ADGRB3: variants seen among roughly 807,000 people sequenced by gnomAD.
ADGRB3 encodes adhesion G protein-coupled receptor B3.
In ADGRB3, 37 loss-of-function variants were observed where a neutral mutation model predicts 193.4. The observed-to-expected ratio is 0.19, with a 90% CI of 0.15 to 0.25. The LOEUF (loss-of-function observed/expected upper bound fraction) is 0.25, where lower values mean the gene tolerates loss of function less well. ADGRB3 is among the 10% of genes least tolerant of loss of function. The pLI, the probability that ADGRB3 is intolerant of heterozygous loss-of-function variation, is 1.00. For synonymous variants in ADGRB3, 690 were observed against 644.2 expected (o/e 1.07, Z -1.08); for missense variants, 1,637 against 1,852.9 (o/e 0.88, Z 2.14).
chr6:68,823,363 G>A (rs568823901), intron 3 of ADGRB3, among the ~76,000 whole-genome samples: 2 of 151,854 alleles, frequency 1.3e-5, no homozygotes, highest in Non-Finnish European at 2.9e-5. Flanking sequence ...CCCATCATAT[G>A]TTTTGGGAAC....
intron 17 of ADGRB3, among the ~76,000 whole-genome samples, chr6:69,148,187 T>C (rs1774560232): frequency 6.6e-6 from 1 of 152,164 alleles, no homozygotes; most frequent in Admixed American, 6.5e-5. Context: ...TTTCTGGTTG[T>C]TTTGTGGTCC....
intron 17 of ADGRB3, among the ~76,000 whole-genome samples, chr6:69,208,519 T>G (rs1296070028): frequency 1.3e-5 from 2 of 152,186 alleles, no homozygotes; most frequent in Non-Finnish European, 2.9e-5. Context: ...ACTGGGAAGA[T>G]TTCCCGTCAC....
intron 17 of ADGRB3, among the ~76,000 whole-genome samples, chr6:69,191,150 G>T (rs1244402670): frequency 6.6e-6 from 1 of 152,062 alleles, no homozygotes; most frequent in East Asian, 1.9e-4. Context: ...CAAATATTAT[G>T]ATTCTCATTT....
chr6:68,713,069 T>C (rs1380293928), intron 3 of ADGRB3, among the ~76,000 whole-genome samples: 1 of 151,908 alleles, frequency 6.6e-6, no homozygotes, highest in Non-Finnish European at 1.5e-5. Context: ...AAGGTTATAC[T>C]TTGAATCAGC....
intron 3 of ADGRB3, among the ~76,000 whole-genome samples, chr6:68,828,460 C>G (rs561733554): frequency 6.6e-6 from 1 of 152,156 alleles, no homozygotes; most frequent in Admixed American, 6.5e-5. Flanking sequence ...AGCACTACCT[C>G]AAATATTTAT....
At chr6:69,069,084 C>A (rs777013556) in intron 16 of ADGRB3, among the ~76,000 whole-genome samples, 5 of 152,138 alleles carry the variant, frequency 3.3e-5, no homozygotes, top group African/African-American at 4.8e-5. Flanking sequence ...AGGTACACAG[C>A]AGCTGTCCCT....
chr6:69,021,908 G>T (rs914620965), intron 13 of ADGRB3, among the ~76,000 whole-genome samples: 8 of 151,806 alleles, frequency 5.3e-5, no homozygotes, highest in African/African-American at 1.4e-4. Flanking sequence ...TTTATAGGGA[G>T]CATGTTCATA....
chr6:69,242,412 C>G (rs1347073784), intron 20 of ADGRB3, among the ~76,000 whole-genome samples: 2 of 151,742 alleles, frequency 1.3e-5, no homozygotes, highest in African/African-American at 4.8e-5. Context: ...TCCGAGAGAG[C>G]TTTTTGATGA....
At chr6:68,638,290 T>G (rs1222822971) in intron 2 of ADGRB3, among the ~76,000 whole-genome samples, 1 of 152,256 alleles carries the variant, frequency 6.6e-6, no homozygotes, top group East Asian at 1.9e-4. Flanking sequence ...TGATTAATAC[T>G]ATTTCGACAA....
At chr6:68,684,886 G>GGGGTA (rs1426864981) in intron 3 of ADGRB3, among the ~76,000 whole-genome samples, 1 of 151,932 alleles carries the variant, frequency 6.6e-6, no homozygotes, top group Non-Finnish European at 1.5e-5. Context: ...ATAAGAGCAT[G>GGGGTA]GGGTAACATG....
chr6:69,209,142 G>A (rs940322120), intron 17 of ADGRB3, among the ~76,000 whole-genome samples: 1 of 152,174 alleles, frequency 6.6e-6, no homozygotes, highest in Non-Finnish European at 1.5e-5. Flanking sequence ...GGACCAAGTG[G>A]CAGAGGAGTT....
intron 17 of ADGRB3, among the ~76,000 whole-genome samples, chr6:69,160,568 C>T (rs1160456029): frequency 6.6e-6 from 1 of 152,080 alleles, no homozygotes; most frequent in Non-Finnish European, 1.5e-5. Context: ...ATTGTTAATG[C>T]TATCATATCA....
At chr6:68,699,917 C>G (rs758501249) in intron 3 of ADGRB3, among the ~76,000 whole-genome samples, 6 of 152,098 alleles carry the variant, frequency 3.9e-5, no homozygotes, top group Non-Finnish European at 8.8e-5. Context: ...TCTCAGGTAC[C>G]TCCTATTTTC....
intron 23 of ADGRB3, chr6:69,331,441 A>G: frequency 1.9e-6 from 1 of 534,266 alleles, no homozygotes; most frequent in Non-Finnish European, 2.4e-6. Context: ...CTAATTGGAA[A>G]GTTACTCTTT....
chr6:69,241,069 A>G (rs962910197), intron 20 of ADGRB3, among the ~76,000 whole-genome samples: 14 of 152,108 alleles, frequency 9.2e-5, no homozygotes, highest in Admixed American at 2.0e-4. Flanking sequence ...AGTACAAAAT[A>G]TGCTTTTAAA....
chr6:69,018,303 G>T (rs1770157049), intron 12 of ADGRB3, 88 bp from the exon 13 acceptor site: 1 of 740,432 alleles, frequency 1.4e-6, no homozygotes, highest in Non-Finnish European at 2.1e-6. Flanking sequence ...GCTCATTTGT[G>T]ATTTCATGTA....
At chr6:69,331,994 C>T (rs1768740768) in intron 23 of ADGRB3, 2 of 985,296 alleles carry the variant, frequency 2.0e-6, no homozygotes, top group African/African-American at 3.5e-5. Flanking sequence ...CAACTGGACA[C>T]ATTTTAGCTT....
At chr6:68,641,391 T>G (rs1768079777) in intron 3 of ADGRB3, among the ~76,000 whole-genome samples, 1 of 152,038 alleles carries the variant, frequency 6.6e-6, no homozygotes, top group Non-Finnish European at 1.5e-5. Flanking sequence ...TGAAGACAAA[T>G]AAGAGTGATT....
At chr6:68,753,570 G>A (rs1307665106) in intron 3 of ADGRB3, among the ~76,000 whole-genome samples, 1 of 152,084 alleles carries the variant, frequency 6.6e-6, no homozygotes, top group Non-Finnish European at 1.5e-5. Context: ...GGGGCGGTCA[G>A]GGGAGTTACT....
Sources: gnomAD v4.1 joint callset for allele counts (sites outside exome capture counted in the v4.1 genomes callset) on GRCh38, gnomAD v4.1.1 for gene constraint, MANE v1.5 for transcripts, NCBI Gene and HGNC (gene_info 2026-07-23, HGNC 2026-07-21) for gene names.